CTNNA3: variants seen among roughly 807,000 people sequenced by gnomAD.
CTNNA3 encodes the protein catenin alpha-3.
In CTNNA3, 76 loss-of-function variants were observed where a neutral mutation model predicts 95.7. The ratio of observed to expected loss-of-function variants is 0.79; its 90% CI spans 0.66 to 0.96. The LOEUF (loss-of-function observed/expected upper bound fraction) is 0.96, where lower values mean the gene tolerates loss of function less well. CTNNA3 is among the 40% of genes least tolerant of loss of function. CTNNA3 has a pLI of 0.00. For missense variants in CTNNA3, 1,191 were observed against 1,089.8 expected (o/e 1.09, Z -1.31); for synonymous variants, 431 against 374.4 (o/e 1.15, Z -1.74).
At chr10:66,237,563 A>ATT (rs35983423) in intron 13 of CTNNA3, among the ~76,000 whole-genome samples, 87,350 of 149,574 alleles carry the variant, frequency 0.58, 25,714 homozygotes, top group South Asian at 0.72. Flanking sequence ...GAGTTTTGTG[A>ATT]TTTTTTTTTT....
intron 14 of CTNNA3, among the ~76,000 whole-genome samples, chr10:66,080,612 A>G (rs547939916): frequency 1.3e-5 from 2 of 152,338 alleles, no homozygotes; most frequent in African/African-American, 4.8e-5. Context: ...CCTAAAGCCA[A>G]TCATAGTTGT....
chr10:66,825,071 A>G (rs1012555111), intron 7 of CTNNA3, among the ~76,000 whole-genome samples: 1 of 151,590 alleles, frequency 6.6e-6, no homozygotes, highest in Non-Finnish European at 1.5e-5. Context: ...AGAAAAACAA[A>G]TTACACACAC....
chr10:66,478,070 A>C (rs1411393657), intron 11 of CTNNA3, among the ~76,000 whole-genome samples: 1 of 152,122 alleles, frequency 6.6e-6, no homozygotes, highest in Non-Finnish European at 1.5e-5. Context: ...AAGTAGCAAT[A>C]ATGCAATAGA....
chr10:67,051,642 G>C (rs1440900493), intron 7 of CTNNA3, among the ~76,000 whole-genome samples: 1 of 151,858 alleles, frequency 6.6e-6, no homozygotes, highest in Non-Finnish European at 1.5e-5. Context: ...TTGACCTCAT[G>C]ATCTGTCCAC....
At chr10:66,949,563 T>TAA (rs5785805) in intron 7 of CTNNA3, among the ~76,000 whole-genome samples, 2 of 139,558 alleles carry the variant, frequency 1.4e-5, no homozygotes, top group East Asian at 2.2e-4. Flanking sequence ...CATCTCAAAA[T>TAA]AAAAAAAAAA....
At chr10:66,828,373 C>T (rs1312705005) in intron 7 of CTNNA3, among the ~76,000 whole-genome samples, 2 of 152,144 alleles carry the variant, frequency 1.3e-5, no homozygotes, top group Non-Finnish European at 2.9e-5. Context: ...AACTTAAGTA[C>T]TTTATTCTTT....
At chr10:66,039,009 C>T (rs2079624403) in intron 15 of CTNNA3, among the ~76,000 whole-genome samples, 1 of 152,106 alleles carries the variant, frequency 6.6e-6, no homozygotes, top group Non-Finnish European at 1.5e-5. Flanking sequence ...TAGTCTCAAC[C>T]CCAAAGCTCA....
intron 10 of CTNNA3, among the ~76,000 whole-genome samples, chr10:66,579,903 A>T (rs1462010285): frequency 6.6e-6 from 1 of 151,584 alleles, no homozygotes; most frequent in Non-Finnish European, 1.5e-5. Flanking sequence ...ACTGCTTTAA[A>T]CATTTGTCTT....
At position 66,763,234 on chromosome 10, in the gene CTNNA3, T is replaced by G. The variant is rs117686473; in HGVS notation, c.1281+3030A>C. Among the ~76,000 whole-genome samples, 844 of 152,070 alleles carry G rather than the reference T, an allele frequency of 5.6e-3. 15 individuals carry two copies. Among genetic ancestry groups the G allele is most frequent in the East Asian group, 0.041 (210 of 5,146 alleles). On this transcript the variant is annotated intron_variant, in intron 9 of 17. Transcript: ENST00000433211. The stretch of plus-strand genomic sequence containing the variant: ...TTACTGATGATTTTCTCTGTTGCTT[T>G]GGTTAGGAAGATCCTTTCAAAAACA...
At chr10:67,260,664 T>C (rs190324650) in intron 5 of CTNNA3, among the ~76,000 whole-genome samples, 58 of 146,254 alleles carry the variant, frequency 4.0e-4, no homozygotes, top group African/African-American at 1.5e-3. Context: ...TGACTTTCAC[T>C]GTTTTGTTTT....
At chr10:67,069,506 G>A (rs1856305119) in intron 7 of CTNNA3, among the ~76,000 whole-genome samples, 1 of 151,982 alleles carries the variant, frequency 6.6e-6, no homozygotes, top group South Asian at 2.1e-4. Context: ...ATACATCTAT[G>A]TAAGCAATAT....
intron 11 of CTNNA3, among the ~76,000 whole-genome samples, chr10:66,483,146 A>G (rs2131908214): frequency 6.6e-6 from 1 of 152,288 alleles, no homozygotes; most frequent in Non-Finnish European, 1.5e-5. Flanking sequence ...AGTTAAGAGG[A>G]CAGATTCTGA....
intron 1 of CTNNA3, among the ~76,000 whole-genome samples, chr10:67,666,594 C>A (rs1173860651): frequency 6.6e-6 from 1 of 152,064 alleles, no homozygotes; most frequent in East Asian, 1.9e-4. Flanking sequence ...AAAGCCAAGT[C>A]ACTCATTTTT....
intron 7 of CTNNA3, among the ~76,000 whole-genome samples, chr10:66,839,229 G>C (rs1842971582): frequency 6.6e-6 from 1 of 152,082 alleles, no homozygotes; most frequent in Admixed American, 6.5e-5. Context: ...TCTTTATTCT[G>C]TGACATTTGT....
At chr10:67,328,086 C>T (rs896562446) in intron 5 of CTNNA3, among the ~76,000 whole-genome samples, 1 of 152,074 alleles carries the variant, frequency 6.6e-6, no homozygotes, top group Non-Finnish European at 1.5e-5. Context: ...GGGTAGACTG[C>T]ACACCCAAAT....
intron 11 of CTNNA3, among the ~76,000 whole-genome samples, chr10:66,440,510 A>G (rs953955621): frequency 5.3e-5 from 8 of 152,196 alleles, no homozygotes; most frequent in African/African-American, 1.9e-4. Flanking sequence ...TGCTGACAAA[A>G]TAAAATCTGT....
chr10:67,507,631 C>T (rs1164055442), intron 5 of CTNNA3, among the ~76,000 whole-genome samples: 2 of 151,936 alleles, frequency 1.3e-5, no homozygotes, highest in Non-Finnish European at 2.9e-5. Flanking sequence ...GATGACTTCA[C>T]TGCTGAATTC....
At chr10:67,293,978 C>A (rs117602524) in intron 5 of CTNNA3, among the ~76,000 whole-genome samples, 28 of 152,088 alleles carry the variant, frequency 1.8e-4, no homozygotes, top group Non-Finnish European at 3.4e-4. Context: ...AATAAACATA[C>A]GATAAATTAC....
At chr10:66,126,693 A>G (rs2133833600) in intron 13 of CTNNA3, among the ~76,000 whole-genome samples, 1 of 152,352 alleles carries the variant, frequency 6.6e-6, no homozygotes, top group Middle Eastern at 3.4e-3. Flanking sequence ...AGAGTTGTCA[A>G]TAGCCATATC....
Sources: gnomAD v4.1 joint callset for allele counts (sites outside exome capture counted in the v4.1 genomes callset) on GRCh38, gnomAD v4.1.1 for gene constraint, MANE v1.5 for transcripts, NCBI Gene and HGNC (gene_info 2026-07-23, HGNC 2026-07-21) for gene names.